Variants in KCNQ1 observed in about 807,000 individuals in gnomAD.
The protein encoded by KCNQ1 is potassium voltage-gated channel subfamily KQT member 1.
Under a neutral mutation model 72.4 loss-of-function variants are expected in KCNQ1, and 49 were observed. The ratio of observed to expected loss-of-function variants is 0.68; its 90% CI spans 0.54 to 0.86. KCNQ1 has a LOEUF of 0.86. Ranked by LOEUF, KCNQ1 falls within the 40% of genes least tolerant of loss-of-function variation. The pLI, the probability that KCNQ1 is intolerant of heterozygous loss-of-function variation, is 0.00. For synonymous variants in KCNQ1, 450 were observed against 412.6 expected, an observed-to-expected ratio of 1.09 and a Z score of -1.10; for missense variants, 790 against 945.1, an observed-to-expected ratio of 0.84 and a Z score of 2.15.
chr11:2,481,844 A>T lies in KCNQ1; in HGVS notation c.386+36360A>T, dbSNP rs993651213. Among the ~76,000 whole-genome samples, 1 of 152,208 alleles carries T rather than the reference A, an allele frequency of 6.6e-6. No homozygotes were observed. The highest frequency in any genetic ancestry group is 1.5e-5 in the Non-Finnish European group (1 of 68,032). ...TCAGGGCTCTCACTGATTCTACATTATGGTGAGTTGTATAATTATTTAATT... is the reference window on the plus strand; with the variant it reads ...TCAGGGCTCTCACTGATTCTACATTTTGGTGAGTTGTATAATTATTTAATT... On this transcript the variant is annotated intron_variant, in intron 1 of 15. Transcript: ENST00000155840. This position sits in a 1 kb window ranked among gnomAD's most constrained non-coding sequence, Gnocchi z 4.6.
intron 1 of KCNQ1, among the ~76,000 whole-genome samples, chr11:2,460,349 G>A (rs1242269037): frequency 1.3e-5 from 2 of 152,226 alleles, no homozygotes; most frequent in Admixed American, 6.5e-5. Context: ...GGGCTCTGTG[G>A]CTGGTGGAGG....
intron 15 of KCNQ1, among the ~76,000 whole-genome samples, chr11:2,778,577 C>T (rs1360097425): frequency 3.9e-5 from 6 of 152,192 alleles, no homozygotes; most frequent in South Asian, 2.1e-4. Flanking sequence ...GCCCATCACT[C>T]GGTCCCTCAG....
At chr11:2,688,107 C>T (rs1187728827) in intron 11 of KCNQ1, 2 of 398,870 alleles carry the variant, frequency 5.0e-6, no homozygotes, top group East Asian at 7.1e-5. Flanking sequence ...GGCAGGGGAC[C>T]TGGTGGGGGT....
intron 11 of KCNQ1, among the ~76,000 whole-genome samples, chr11:2,733,836 T>TCTCG (rs1845902211): frequency 2.8e-5 from 1 of 36,354 alleles, no homozygotes; most frequent in Non-Finnish European, 5.6e-5. Context: ...TCTCTCTCTC[T>TCTCG]CTCTCTCTCT....
In KCNQ1 at chr11:2,642,985, A is replaced by G. The variant is rs1295588461; in HGVS notation, c.1394-18976A>G. ...ACAGTTTTGAATGCTCCTCTTATTT[A>G]TTTATAGTTTTATGCTATTGTGGTC... On this transcript the variant is annotated intron_variant, in intron 10 of 15. Transcript: ENST00000155840. The surrounding 1 kb of genome is among the most constrained non-coding windows in gnomAD (Gnocchi z 4.3). 2.5e-6 allele frequency: 1 copy of G among 397,794 alleles called. No individual in the cohort carries two copies. 24.6% of individuals were successfully genotyped at this position (397,794 alleles called of 1,614,324 possible).
chr11:2,605,406 G>A (rs971998606), intron 10 of KCNQ1, among the ~76,000 whole-genome samples: 1 of 152,124 alleles, frequency 6.6e-6, no homozygotes, highest in East Asian at 1.9e-4. Context: ...TTTACCCTAA[G>A]AATTTTATAG....
intron 15 of KCNQ1, among the ~76,000 whole-genome samples, chr11:2,806,067 C>A (rs1847366247): frequency 6.6e-6 from 1 of 152,192 alleles, no homozygotes; most frequent in African/African-American, 2.4e-5. Flanking sequence ...CAGGAAAATG[C>A]CCCATGTACA....
At position 2,566,889 on chromosome 11, in the gene KCNQ1, T is replaced by G. The variant is rs187552527; in HGVS notation, c.478-3739T>G. On this transcript the variant is annotated intron_variant, in intron 2 of 15. Transcript: ENST00000155840. The surrounding 1 kb of genome is among the most constrained non-coding windows in gnomAD (Gnocchi z 6.7). ...GTGGGGGAGTCAGGAAGTACCCCGG[T>G]TCTGTACCTGTAGTGGATGGGGCTC... Among the ~76,000 whole-genome samples the G allele has an allele frequency of 4.8e-3, 724 of 151,494 alleles. 19 individuals are homozygous for G. Among genetic ancestry groups the G allele is most frequent in the Non-Finnish European group, 1.9e-3 (131 of 67,798 alleles).
intron 6 of KCNQ1, among the ~76,000 whole-genome samples, chr11:2,582,261 G>A (rs1292951493): frequency 2.0e-5 from 3 of 152,240 alleles, no homozygotes; most frequent in Non-Finnish European, 4.4e-5. Context: ...CTGCCCGGGG[G>A]TGGCCATGGG....
intron 11 of KCNQ1, chr11:2,693,370 C>T (rs1850620327): frequency 2.5e-6 from 1 of 398,766 alleles, no homozygotes; most frequent in Non-Finnish European, 4.4e-6. Context: ...CCGAGTCTGG[C>T]CAAGCAGCAG....
Position 2,645,383 on chromosome 11 carries a change from G to T in KCNQ1, c.1394-16578G>T. ...GCTGGCACTGGGAGAAAAGAGGGTGGGACCAGGCCAGGTGGGCCTGTCCTG... is the reference window on the plus strand; with the variant it reads ...GCTGGCACTGGGAGAAAAGAGGGTGTGACCAGGCCAGGTGGGCCTGTCCTG... On this transcript the variant is annotated intron_variant, in intron 10 of 15. Coordinates refer to ENST00000155840, the MANE Select transcript of KCNQ1 (RefSeq NM_000218.3). The surrounding 1 kb of genome is among the most constrained non-coding windows in gnomAD (Gnocchi z 5.8). 1 of 398,782 alleles carries T rather than the reference G, an allele frequency of 2.5e-6. No individual in the cohort carries two copies. The highest frequency in any genetic ancestry group is 6.3e-4 in the Middle Eastern group (1 of 1,590). The allele number at this position is 398,782 out of a possible 1,614,324, so 24.7% of individuals were successfully genotyped here.
At chr11:2,552,657 G>A (rs961969694) in intron 2 of KCNQ1, among the ~76,000 whole-genome samples, 2 of 152,058 alleles carry the variant, frequency 1.3e-5, no homozygotes, top group African/African-American at 2.4e-5. Context: ...TCTCATACAC[G>A]TCTTAGTAAT....
intron 14 of KCNQ1, 47 bp from the exon 15 acceptor site, chr11:2,777,929 G>A: frequency 6.3e-7 from 1 of 1,594,626 alleles, no homozygotes; most frequent in South Asian, 1.1e-5. Flanking sequence ...GGGGTCCCCG[G>A]CCCACCCCAG....
At chr11:2,568,664 T>A (rs1395293905) in intron 2 of KCNQ1, among the ~76,000 whole-genome samples, 1 of 152,210 alleles carries the variant, frequency 6.6e-6, no homozygotes, top group Admixed American at 6.5e-5. Context: ...TCATTCAGCA[T>A]GTCCATGTTG....
chr11:2,646,163 A>T, intron 10 of KCNQ1: 1 of 398,612 alleles, frequency 2.5e-6, no homozygotes, highest in Non-Finnish European at 4.4e-6. Flanking sequence ...CTCAGAGGCG[A>T]TCTATATAAA....
At chr11:2,741,640 A>C (rs1347673782) in intron 11 of KCNQ1, among the ~76,000 whole-genome samples, 1 of 152,192 alleles carries the variant, frequency 6.6e-6, no homozygotes, top group Non-Finnish European at 1.5e-5. Context: ...TTACTGATAG[A>C]ACATTCCAGA....
rs527303346 is a variant in KCNQ1 at position 2,446,689 on chromosome 11, T to G, written c.386+1205T>G. On this transcript the variant is annotated intron_variant, in intron 1 of 15. Transcript: ENST00000155840. This position sits in a 1 kb window ranked among gnomAD's most constrained non-coding sequence, Gnocchi z 8.8. ...CCTTCCACATCAGGAAGGGGAAGTC[T>G]TACCCACCTCCCTCCTCAAAGATGT... Among the ~76,000 whole-genome samples the G allele has an allele frequency of 6.6e-6, 1 of 152,274 alleles. No homozygotes were observed. Among genetic ancestry groups the G allele is most frequent in the South Asian group, 2.1e-4 (1 of 4,830 alleles).
In KCNQ1 at chr11:2,585,320, C is replaced by T; in HGVS notation, c.1128+13C>T. 7 of 1,608,562 alleles carry T rather than the reference C, an allele frequency of 4.4e-6. No individual in the cohort carries two copies. The highest frequency in any genetic ancestry group is 6.0e-6 in the Non-Finnish European group (7 of 1,175,260). The stretch of plus-strand genomic sequence containing the variant: ...CTCACTCATTCAGGTGCGGTGCCTG[C>T]AAGGCCCTGGTCACTGTCATTTTGG... On this transcript the variant is annotated intron_variant, in intron 8 of 15. Transcript: ENST00000155840.
intron 6 of KCNQ1, among the ~76,000 whole-genome samples, chr11:2,576,829 C>A (rs1204237234): frequency 6.6e-6 from 1 of 152,220 alleles, no homozygotes; most frequent in Non-Finnish European, 1.5e-5. Flanking sequence ...AGCCAAGGCG[C>A]CGTGGGCCGA....
Sources: allele counts gnomAD v4.1 joint callset (sites outside exome capture counted in the v4.1 genomes callset), GRCh38; gene constraint gnomAD v4.1.1; non-coding constraint Gnocchi (gnomAD v3.1); transcripts MANE v1.5; gene names NCBI Gene and HGNC (gene_info 2026-07-23, HGNC 2026-07-21).